The following UGT1A7 variants were observed in gnomAD, a reference collection of about 807,000 sequenced individuals.
The protein encoded by UGT1A7 is UDP glucuronosyltransferase family 1 member A7.
Under a neutral mutation model 45.6 loss-of-function variants are expected in UGT1A7, and 33 were observed. That is an observed-to-expected ratio of 0.72 (90% CI 0.55 to 0.97). The LOEUF is 0.97. Ranked by LOEUF, UGT1A7 falls within the 50% of genes least tolerant of loss-of-function variation. The pLI is 0.00. For synonymous variants in UGT1A7, 274 were observed against 250.6 expected, an observed-to-expected ratio of 1.09 and a Z score of -0.88; for missense variants, 684 against 666.2, an observed-to-expected ratio of 1.03 and a Z score of -0.29.
intron 1 of UGT1A7, among the ~76,000 whole-genome samples, chr2:233,764,842 T>G (rs925133951): frequency 2.6e-5 from 4 of 151,734 alleles, no homozygotes; most frequent in African/African-American, 7.3e-5. Flanking sequence ...GGAGGATGAC[T>G]CTGTCCTCCC....
At chr2:233,707,694 T>C (rs28899183) in intron 1 of UGT1A7, among the ~76,000 whole-genome samples, 3,269 of 152,332 alleles carry the variant, frequency 0.021, 116 homozygotes, top group African/African-American at 0.073. Context: ...CTTTGGGTTG[T>C]ATCTAGCTTT....
chr2:233,746,942 A>C (rs1693513672), intron 1 of UGT1A7, among the ~76,000 whole-genome samples: 1 of 151,778 alleles, frequency 6.6e-6, no homozygotes, highest in South Asian at 2.1e-4. Context: ...ATTGGATGAG[A>C]AACAAGAGCT....
chr2:233,713,840 C>A (rs149208140), intron 1 of UGT1A7: 1 of 1,614,012 alleles, frequency 6.2e-7, no homozygotes, highest in Non-Finnish European at 8.5e-7. Context: ...ACTGTGCCAA[C>A]GGGAAGCCAC....
chr2:233,753,256 C>T (rs1695165978), intron 1 of UGT1A7: 1 of 152,214 alleles, frequency 6.6e-6, no homozygotes, highest in African/African-American at 2.4e-5. Flanking sequence ...AGCAACTACC[C>T]AGGCACCTTG....
At chr2:233,767,192 A>C (rs752013731) in intron 2 of UGT1A7, 27 bp downstream of exon 2, 1 of 1,613,796 alleles carries the variant, frequency 6.2e-7, no homozygotes, top group African/African-American at 1.3e-5. Context: ...CCATGGCCTC[A>C]TATCTATTTT....
chr2:233,729,899 G>A (rs780527869), intron 1 of UGT1A7: 13 of 1,613,938 alleles, frequency 8.1e-6, no homozygotes, highest in East Asian at 6.7e-5. Context: ...TGGCTGTTCC[G>A]AGGGGACTTT....
intron 1 of UGT1A7, among the ~76,000 whole-genome samples, chr2:233,757,560 A>ATATGTG (rs904896556): frequency 1.6e-5 from 2 of 123,146 alleles, no homozygotes; most frequent in African/African-American, 6.8e-5. Flanking sequence ...ATATATATAT[A>ATATGTG]TGTATATATG....
intron 2 of UGT1A7, among the ~76,000 whole-genome samples, chr2:233,767,607 T>A (rs990795456): frequency 1.3e-5 from 2 of 152,144 alleles, no homozygotes; most frequent in African/African-American, 4.8e-5. Flanking sequence ...AGTGAAAAAA[T>A]CCTAAGTGCA....
chr2:233,689,927 G>A (rs547999990), intron 1 of UGT1A7: 14 of 456,506 alleles, frequency 3.1e-5, no homozygotes, highest in South Asian at 7.7e-5. Flanking sequence ...AATTTCCTTC[G>A]AAAGAACCCA....
At chr2:233,732,692 C>T (rs1425902853) in intron 1 of UGT1A7, among the ~76,000 whole-genome samples, 1 of 150,324 alleles carries the variant, frequency 6.7e-6, no homozygotes, top group Non-Finnish European at 1.5e-5. Context: ...AGCACCCATG[C>T]TGTTTTGTTA....
intron 1 of UGT1A7, among the ~76,000 whole-genome samples, chr2:233,764,833 G>C (rs1171416505): frequency 3.9e-5 from 6 of 151,966 alleles, no homozygotes; most frequent in African/African-American, 1.2e-4. Flanking sequence ...TGGTGGTGGG[G>C]AGGATGACTC....
chr2:233,735,402 G>GTC (rs746595831), intron 1 of UGT1A7, among the ~76,000 whole-genome samples: 10 of 152,138 alleles, frequency 6.6e-5, no homozygotes, highest in East Asian at 5.8e-4. Context: ...GCCTATGTGT[G>GTC]TCTCTGCATG....
At chr2:233,715,877 G>A (rs2076474455) in intron 1 of UGT1A7, among the ~76,000 whole-genome samples, 1 of 152,174 alleles carries the variant, frequency 6.6e-6, no homozygotes, top group Non-Finnish European at 1.5e-5. Context: ...TTGTGCCTGT[G>A]GCCCCAGCTA....
intron 1 of UGT1A7, among the ~76,000 whole-genome samples, chr2:233,705,423 T>G (rs935031731): frequency 2.0e-5 from 3 of 152,256 alleles, no homozygotes; most frequent in Non-Finnish European, 4.4e-5. Context: ...CAGAGGTGGC[T>G]CATAACTTAT....
intron 1 of UGT1A7, among the ~76,000 whole-genome samples, chr2:233,692,590 G>A (rs1014156032): frequency 6.6e-6 from 1 of 152,164 alleles, no homozygotes; most frequent in African/African-American, 2.4e-5. Flanking sequence ...GAATAGGTCC[G>A]TGTGCAAGAA....
chr2:233,740,000 CTAAG>C (rs1449995031), intron 1 of UGT1A7, among the ~76,000 whole-genome samples: 3 of 151,814 alleles, frequency 2.0e-5, no homozygotes, highest in Non-Finnish European at 4.4e-5. Context: ...TCTTGTCATA[CTAAG>C]TGAGTTCTCA....
chr2:233,717,168 T>C (rs1307662395), intron 1 of UGT1A7, among the ~76,000 whole-genome samples: 1 of 152,206 alleles, frequency 6.6e-6, no homozygotes, highest in Non-Finnish European at 1.5e-5. Context: ...GCCCCTTGAA[T>C]GTGGCAAGAG....
At chr2:233,750,081 T>C (rs1164300379) in intron 1 of UGT1A7, among the ~76,000 whole-genome samples, 3 of 151,620 alleles carry the variant, frequency 2.0e-5, no homozygotes, top group African/African-American at 7.3e-5. Context: ...CAGGCAGAGG[T>C]TGGAACAGTT....
rs1700550070 is a variant in UGT1A7, at chr2:233,772,816, C to A, written c.*257C>A. 3 of 1,016,374 alleles carry A rather than the reference C, an allele frequency of 3.0e-6. No individual in the cohort carries two copies. The highest frequency in any genetic ancestry group is 3.1e-5 in the Admixed American group (1 of 31,990). 63.0% of individuals were successfully genotyped at this position (1,016,374 alleles called of 1,614,324 possible). ...CATGTGCCATTTTTCAGAGGACGTG[C>A]AGACAGGCTGGCATTCTAGATTACT... On this transcript the variant is annotated 3_prime_UTR_variant, in exon 5 of 5. Transcript: ENST00000373426.
Sources: allele counts gnomAD v4.1 joint callset (sites outside exome capture counted in the v4.1 genomes callset), GRCh38; gene constraint gnomAD v4.1.1; transcripts MANE v1.5; gene names NCBI Gene and HGNC (gene_info 2026-07-23, HGNC 2026-07-21).